The following GMDS variants were observed in gnomAD, a reference collection of about 807,000 sequenced individuals.
GMDS encodes GDP-mannose 4,6-dehydratase, also known as GDP-mannose 4,6 dehydratase.
In GMDS, 20 loss-of-function variants were observed where a neutral mutation model predicts 49.9. The observed-to-expected ratio is 0.40, with a 90% CI of 0.28 to 0.58. GMDS has a LOEUF of 0.58. GMDS is among the 20% of genes least tolerant of loss of function. GMDS has a pLI of 0.42. For missense variants in GMDS, 362 were observed against 481.4 expected, an observed-to-expected ratio of 0.75 and a Z score of 2.32; for synonymous variants, 177 against 178.6, an observed-to-expected ratio of 0.99 and a Z score of 0.07.
intron 7 of GMDS, among the ~76,000 whole-genome samples, chr6:1,908,488 A>G (rs1189403911): frequency 6.6e-6 from 1 of 152,190 alleles, no homozygotes. Flanking sequence ...GGCAAAAGAT[A>G]TTTTCTTGAA....
chr6:2,037,809 A>G (rs929868470), intron 4 of GMDS, among the ~76,000 whole-genome samples: 1 of 152,170 alleles, frequency 6.6e-6, no homozygotes, highest in African/African-American at 2.4e-5. Flanking sequence ...CAACCTGCAC[A>G]TGGTTTCTAA....
rs62392579 is a variant in GMDS at position 2,191,223 on chromosome 6, C to A, written c.102+54098G>T. 2.6e-3 allele frequency among the ~76,000 whole-genome samples: 390 copies of A among 152,262 alleles called. 3 individuals are homozygous for A. Among genetic ancestry groups the A allele is most frequent in the South Asian group, 4.3e-3 (21 of 4,830 alleles). ...TGACCACCGGGCCTGACACTCCCGACCCGCTATCCGCTCCTGGAGGCACCC... is the reference window on the plus strand; with the variant it reads ...TGACCACCGGGCCTGACACTCCCGAACCGCTATCCGCTCCTGGAGGCACCC... On this transcript the variant is annotated intron_variant, in intron 1 of 10. Transcript: ENST00000380815. The surrounding 1 kb of genome is among the most constrained non-coding windows in gnomAD (Gnocchi z 4.6).
At chr6:2,008,179 T>G (rs1767317547) in intron 4 of GMDS, among the ~76,000 whole-genome samples, 1 of 152,242 alleles carries the variant, frequency 6.6e-6, no homozygotes, top group Non-Finnish European at 1.5e-5. Context: ...TTTCTCATCA[T>G]TTGATTAAGA....
At chr6:2,234,591 A>G (rs1260119207) in intron 1 of GMDS, among the ~76,000 whole-genome samples, 1 of 152,152 alleles carries the variant, frequency 6.6e-6, no homozygotes, top group East Asian at 1.9e-4. Flanking sequence ...CCTGGGCAAT[A>G]AGAGCGAAAC....
In GMDS at chr6:1,918,907, C is replaced by A. The variant is rs186044227; in HGVS notation, c.771+11196G>T. Among the ~76,000 whole-genome samples, 1,281 of 152,264 alleles carry A rather than the reference C, an allele frequency of 8.4e-3. 9 individuals carry two copies. Among genetic ancestry groups the A allele is most frequent in the Middle Eastern group, 0.058 (17 of 294 alleles). Reference sequence around the variant, plus strand: ...ACTCAACCAGAAAGAAAGGTGCTTGCAAACATTTTGCTGATATCAAGTAAA... The same window carrying A: ...ACTCAACCAGAAAGAAAGGTGCTTGAAAACATTTTGCTGATATCAAGTAAA... On this transcript the variant is annotated intron_variant, in intron 7 of 10. Coordinates refer to ENST00000380815, the MANE Select transcript of GMDS (RefSeq NM_001500.4).
chr6:1,966,313 C>G (rs1298953062), intron 4 of GMDS, among the ~76,000 whole-genome samples: 2 of 150,700 alleles, frequency 1.3e-5, no homozygotes. Context: ...GGCATGCAGA[C>G]CAAGTTAACA....
chr6:1,633,143 C>T (rs970810268), intron 9 of GMDS, among the ~76,000 whole-genome samples: 8 of 152,142 alleles, frequency 5.3e-5, no homozygotes, highest in South Asian at 2.1e-4. Flanking sequence ...GTAGGAAAAA[C>T]GATTCTTTTC....
intron 4 of GMDS, among the ~76,000 whole-genome samples, chr6:2,061,499 T>C (rs2127447719): frequency 6.6e-6 from 1 of 152,112 alleles, no homozygotes; most frequent in African/African-American, 2.4e-5. Flanking sequence ...GTCGGATCAC[T>C]TGAGGCCAGG....
chr6:1,748,626 G>C (rs1445258104), intron 7 of GMDS, among the ~76,000 whole-genome samples: 1 of 152,144 alleles, frequency 6.6e-6, no homozygotes, highest in Non-Finnish European at 1.5e-5. Flanking sequence ...CAGATAGTAA[G>C]TATTTTAGGT....
rs115091910 is a variant in GMDS at position 2,171,434 on chromosome 6, C to T, written c.103-46703G>A. On this transcript the variant is annotated intron_variant, in intron 1 of 10. Transcript: ENST00000380815. ...GTCCAAGATCAACTACCCGAACAGACAAGCAAATGGCAAAAATAAATAAAT... is the reference window on the plus strand; with the variant it reads ...GTCCAAGATCAACTACCCGAACAGATAAGCAAATGGCAAAAATAAATAAAT... Among the ~76,000 whole-genome samples the T allele has an allele frequency of 5.7e-3, 866 of 152,192 alleles. 2 individuals carry two copies. Among genetic ancestry groups the T allele is most frequent in the Middle Eastern group, 0.017 (5 of 294 alleles).
At chr6:1,852,794 C>T (rs1362907234) in intron 7 of GMDS, among the ~76,000 whole-genome samples, 1 of 150,072 alleles carries the variant, frequency 6.7e-6, no homozygotes, top group Non-Finnish European at 1.5e-5. Context: ...GCAACCTCTG[C>T]CTTCCGGGTT....
At chr6:2,057,207 T>C (rs576483583) in intron 4 of GMDS, among the ~76,000 whole-genome samples, 1 of 152,160 alleles carries the variant, frequency 6.6e-6, no homozygotes, top group South Asian at 2.1e-4. Flanking sequence ...CATGGCAAAA[T>C]ACAGTGATGT....
intron 9 of GMDS, among the ~76,000 whole-genome samples, chr6:1,711,088 C>T (rs1765942146): frequency 6.6e-6 from 1 of 152,372 alleles, no homozygotes; most frequent in African/African-American, 2.4e-5. Flanking sequence ...CAACTACATA[C>T]ATGATGTATT....
chr6:1,768,691 A>G (rs1014923870), intron 7 of GMDS, among the ~76,000 whole-genome samples: 2 of 152,342 alleles, frequency 1.3e-5, no homozygotes, highest in Admixed American at 1.3e-4. Flanking sequence ...TGGATTTGGG[A>G]TGTTCGACCA....
intron 9 of GMDS, among the ~76,000 whole-genome samples, chr6:1,720,799 G>T (rs1336357880): frequency 6.6e-6 from 1 of 152,182 alleles, no homozygotes; most frequent in Non-Finnish European, 1.5e-5. Context: ...TAGAGCCTTA[G>T]AGGTCAGAAG....
chr6:1,984,408 C>A (rs745493908), intron 4 of GMDS, among the ~76,000 whole-genome samples: 5 of 151,932 alleles, frequency 3.3e-5, no homozygotes, highest in African/African-American at 9.7e-5. Context: ...CCGCCCCCGC[C>A]TCCAAAAACA....
At chr6:1,674,903 G>A (rs544309597) in intron 9 of GMDS, among the ~76,000 whole-genome samples, 78 of 151,082 alleles carry the variant, frequency 5.2e-4, no homozygotes, top group African/African-American at 1.9e-3. Context: ...TCTTTTTTGG[G>A]GGTGTTAATG....
intron 1 of GMDS, among the ~76,000 whole-genome samples, chr6:2,137,766 T>C (rs1776083694): frequency 1.3e-5 from 2 of 152,342 alleles, no homozygotes; most frequent in African/African-American, 4.8e-5. Flanking sequence ...CACCAACAAG[T>C]GCTGCTAAAG....
chr6:1,974,815 G>A (rs947372604), intron 4 of GMDS, among the ~76,000 whole-genome samples: 2 of 151,076 alleles, frequency 1.3e-5, no homozygotes, highest in African/African-American at 4.9e-5. Context: ...CAGATCACCT[G>A]AGGTCAGGAG....
Sources: allele counts gnomAD v4.1 joint callset (sites outside exome capture counted in the v4.1 genomes callset), GRCh38; gene constraint gnomAD v4.1.1; non-coding constraint Gnocchi (gnomAD v3.1); transcripts MANE v1.5; gene names NCBI Gene and HGNC (gene_info 2026-07-23, HGNC 2026-07-21).